Variants in FCRL5 observed in about 807,000 individuals in gnomAD.
FCRL5 encodes the protein Fc receptor like 5.
Under a neutral mutation model 92.1 loss-of-function variants are expected in FCRL5, and 79 were observed. The observed-to-expected ratio is 0.86, with a 90% CI of 0.72 to 1.03. FCRL5 has a LOEUF of 1.03. Ranked by LOEUF, FCRL5 falls within the 50% of genes least tolerant of loss-of-function variation. The probability of loss-of-function intolerance (pLI) is 0.00; values close to 1 mark genes in which losing one functional copy is unlikely to be tolerated. For missense variants in FCRL5, 1,160 were observed against 1,181.1 expected, an observed-to-expected ratio of 0.98 and a Z score of 0.26; for synonymous variants, 466 against 469.3, an observed-to-expected ratio of 0.99 and a Z score of 0.09.
intron 3 of FCRL5, 95 bp downstream of exon 3, chr1:157,546,848 C>T: frequency 2.1e-6 from 3 of 1,452,758 alleles, no homozygotes; most frequent in Non-Finnish European, 2.8e-6. Flanking sequence ...AAATTGTCCA[C>T]TCATGAAGGG....
At chr1:157,527,916 G>A in intron 8 of FCRL5, 21 bp from the exon 9 acceptor site, 1 of 1,526,786 alleles carries the variant, frequency 6.5e-7, no homozygotes, top group Non-Finnish European at 8.8e-7. Flanking sequence ...AAATGAGTTA[G>A]GGACACATGT....
At chr1:157,550,812 C>A (rs12733916) in intron 1 of FCRL5, among the ~76,000 whole-genome samples, 1 of 152,032 alleles carries the variant, frequency 6.6e-6, no homozygotes, top group Non-Finnish European at 1.5e-5. Context: ...AGAGAGGACA[C>A]AAAACTGGCA....
At chr1:157,535,034 T>C (rs1351676455) in intron 7 of FCRL5, 142 bp from the exon 8 acceptor site, 7 of 655,582 alleles carry the variant, frequency 1.1e-5, no homozygotes, top group Non-Finnish European at 1.7e-5. Context: ...ACTTCTCAGG[T>C]TTCTGTGACC....
chr1:157,549,667 A>G (rs1372017043), intron 1 of FCRL5, 87 bp from the exon 2 acceptor site: 2 of 1,193,178 alleles, frequency 1.7e-6, no homozygotes, highest in South Asian at 1.4e-5. Flanking sequence ...CCATGCATGT[A>G]TTACTTGTCC....
At chr1:157,525,420 A>C (rs755109947) in intron 9 of FCRL5, among the ~76,000 whole-genome samples, 8 of 152,240 alleles carry the variant, frequency 5.3e-5, no homozygotes, top group Non-Finnish European at 1.0e-4. Flanking sequence ...AAGATTCTGC[A>C]AACTACCAAG....
chr1:157,544,617 G>T (rs1651441647), intron 4 of FCRL5, 71 bp from the exon 5 acceptor site: 2 of 1,547,948 alleles, frequency 1.3e-6, no homozygotes, highest in Admixed American at 1.8e-5. Context: ...CACACTTCAA[G>T]CAGCAGCACA....
At chr1:157,527,992 G>A in intron 8 of FCRL5, 97 bp from the exon 9 acceptor site, 1 of 1,348,826 alleles carries the variant, frequency 7.4e-7, no homozygotes, top group Non-Finnish European at 1.0e-6. Context: ...AGAAATAAAG[G>A]ACATCCAAAT....
At chr1:157,542,773 T>A in intron 6 of FCRL5, 86 bp downstream of exon 6, 1 of 1,448,190 alleles carries the variant, frequency 6.9e-7, no homozygotes, top group Non-Finnish European at 9.4e-7. Context: ...CTGAGGATAC[T>A]GGAAGGTATA....
intron 8 of FCRL5, among the ~76,000 whole-genome samples, chr1:157,530,777 ATGC>A (rs1650661153): frequency 6.6e-6 from 1 of 152,268 alleles, no homozygotes; most frequent in Admixed American, 6.5e-5. Context: ...ATGTCAAGTG[ATGC>A]TGCATTAAGT....
chr1:157,519,685 C>T (rs1257776916), intron 13 of FCRL5, 58 bp downstream of exon 13: 1 of 1,581,012 alleles, frequency 6.3e-7, no homozygotes, highest in African/African-American at 1.3e-5. Context: ...GATTCAATTC[C>T]ATTTTTCCAC....
chr1:157,546,478 AC>A (rs1651543673), intron 3 of FCRL5, among the ~76,000 whole-genome samples: 1 of 151,708 alleles, frequency 6.6e-6, no homozygotes, highest in Admixed American at 6.6e-5. Flanking sequence ...ACCAAACCAA[AC>A]CAAACCAAAC....
rs1272606671 is a variant in FCRL5, at chr1:157,539,232, G to A, written c.1256C>T (p.Ala419Val). Residue 419 changes from alanine to valine, a missense_variant, in exon 7 of 17, where the codon GCT (alanine) becomes GTT (valine). Physicochemically the swap from Ala to Val is moderately conservative, Grantham distance 64 (BLOSUM62 0). Transcript: ENST00000361835. The stretch of plus-strand genomic sequence containing the variant: ...GTTGGCCGACCTACGCTCCAGGGCA[G>A]CACCCTCATGATGAAACTGGTACAG... The part of the protein sequence containing the change: ...PILYQFHHEG[A>V]ALERRSANSA... The A allele has an allele frequency of 1.2e-6, 2 of 1,614,060 alleles. No homozygotes were observed. The highest frequency in any genetic ancestry group is 2.7e-5 in the African/African-American group (2 of 74,928).
chr1:157,517,716 C>T (rs769812663), intron 15 of FCRL5, among the ~76,000 whole-genome samples: 10 of 152,158 alleles, frequency 6.6e-5, no homozygotes, highest in Non-Finnish European at 1.3e-4. Flanking sequence ...TAAATTTGTA[C>T]TGCTTCATCC....
Position 157,552,415 on chromosome 1 carries a change from A to G in FCRL5, c.-53T>C. 6.2e-7 allele frequency: 1 copy of G among 1,604,760 alleles called. No homozygotes were observed. The highest frequency in any genetic ancestry group is 2.2e-5 in the East Asian group (1 of 44,804). On this transcript the variant is annotated 5_prime_UTR_variant, in exon 1 of 17. Coordinates refer to ENST00000361835, the MANE Select transcript of FCRL5 (RefSeq NM_031281.3). Reference sequence around the variant, plus strand: ...TCAAAAGAGAAGTTTCCTCAATTCCAAAACAGGTTTGGACTTGATCTTACA... The same window carrying G: ...TCAAAAGAGAAGTTTCCTCAATTCCGAAACAGGTTTGGACTTGATCTTACA...
chr1:157,547,710 G>A (rs931026362), intron 2 of FCRL5, among the ~76,000 whole-genome samples: 12 of 152,200 alleles, frequency 7.9e-5, no homozygotes, highest in African/African-American at 2.9e-4. Flanking sequence ...TTGTGGCAGA[G>A]CAAGGAAGGG....
At chr1:157,551,459 A>G (rs1007364338) in intron 1 of FCRL5, among the ~76,000 whole-genome samples, 1 of 152,198 alleles carries the variant, frequency 6.6e-6, no homozygotes, top group Non-Finnish European at 1.5e-5. Context: ...AGCTATTTTG[A>G]ATACAGTTTA....
chr1:157,518,667 G>T, intron 14 of FCRL5, 33 bp downstream of exon 14: 1 of 1,591,468 alleles, frequency 6.3e-7, no homozygotes, highest in Non-Finnish European at 8.6e-7. Context: ...CAGCCCTCCA[G>T]CTTCTGCCAA....
At chr1:157,516,215 G>T (rs932460984) in intron 15 of FCRL5, 1 of 415,038 alleles carries the variant, frequency 2.4e-6, no homozygotes, top group Non-Finnish European at 4.5e-6. Context: ...GCAAGTTTTA[G>T]AGAGCACACT....
chr1:157,551,092 C>A (rs73011587), intron 1 of FCRL5, among the ~76,000 whole-genome samples: 267 of 152,288 alleles, frequency 1.8e-3, no homozygotes, highest in African/African-American at 6.0e-3. Flanking sequence ...TGAGTGGTTT[C>A]TATATGGTCT....
Sources: gnomAD v4.1 joint callset for allele counts (sites outside exome capture counted in the v4.1 genomes callset) on GRCh38, gnomAD v4.1.1 for gene constraint, MANE v1.5 for transcripts, NCBI Gene and HGNC (gene_info 2026-07-23, HGNC 2026-07-21) for gene names.